The following DPP6 variants were observed in gnomAD, a reference collection of about 807,000 sequenced individuals.
The protein encoded by DPP6 is A-type potassium channel modulatory protein DPP6.
In DPP6, 69 loss-of-function variants were observed where a neutral mutation model predicts 122.6. The observed-to-expected ratio is 0.56, with a 90% confidence interval of 0.46 to 0.69. The LOEUF is 0.69. DPP6 is among the 30% of genes least tolerant of loss of function. DPP6 has a pLI of 0.00. For missense variants in DPP6, 928 were observed against 1,116.9 expected (o/e 0.83, Z 2.41); for synonymous variants, 418 against 433.1 (o/e 0.97, Z 0.43).
chr7:153,797,934 T>C, the DPP6 span, among the ~76,000 whole-genome samples: 1 of 152,100 alleles, frequency 6.6e-6, no homozygotes, highest in Non-Finnish European at 1.5e-5. Flanking sequence ...CTCCGCCTTC[T>C]GGGTTCACGC....
At chr7:154,660,575 G>A (rs1278062305) in intron 6 of DPP6, among the ~76,000 whole-genome samples, 3 of 138,288 alleles carry the variant, frequency 2.2e-5, no homozygotes, top group Non-Finnish European at 3.1e-5. Context: ...ATGGCGTATC[G>A]GCCGTAGTGT....
chr7:153,995,727 T>G (rs1172407700), intron 1 of DPP6, among the ~76,000 whole-genome samples: 1 of 151,794 alleles, frequency 6.6e-6, no homozygotes, highest in Admixed American at 6.6e-5. Flanking sequence ...TATATTGGCA[T>G]ACAGTAATTA....
chr7:154,378,879 C>A (rs1209991174), intron 1 of DPP6, among the ~76,000 whole-genome samples: 2 of 152,146 alleles, frequency 1.3e-5, no homozygotes, highest in African/African-American at 4.8e-5. Context: ...AACTGCCACA[C>A]AATTGTAAAC....
chr7:153,835,547 A>G, the DPP6 span, among the ~76,000 whole-genome samples: 2 of 152,180 alleles, frequency 1.3e-5, no homozygotes, highest in African/African-American at 2.4e-5. Context: ...TTCCATTCCC[A>G]TGGAAGCCGG....
At chr7:154,889,636 T>G in intron 25 of DPP6, 106 bp downstream of exon 25, 3 of 1,511,910 alleles carry the variant, frequency 2.0e-6, no homozygotes, top group Non-Finnish European at 2.7e-6. Flanking sequence ...GACACGCCTG[T>G]GCTGTGGTGG....
chr7:154,088,451 C>T lies in DPP6; in HGVS notation c.243+35388C>T, dbSNP rs1777543110. 2.0e-5 allele frequency among the ~76,000 whole-genome samples: 3 copies of T among 147,882 alleles called. No homozygotes were observed. The South Asian group carries it at 6.6e-4, about 32-fold the overall frequency. ...TTCCAAACACCATGACTTGCGGGAG[C>T]CCCGTTCCCTGCTCATCAGTGTCCA... On this transcript the variant is annotated intron_variant, in intron 1 of 25. Coordinates refer to ENST00000377770, the MANE Select transcript of DPP6 (RefSeq NM_130797.4).
chr7:154,678,277 C>T (rs138603823), intron 7 of DPP6, among the ~76,000 whole-genome samples: 2 of 152,230 alleles, frequency 1.3e-5, no homozygotes, highest in African/African-American at 2.4e-5. Context: ...CACGTGGAAG[C>T]TGTGTTCTTT....
intron 1 of DPP6, among the ~76,000 whole-genome samples, chr7:153,956,671 C>G (rs78387211): frequency 6.6e-6 from 1 of 152,074 alleles, no homozygotes; most frequent in African/African-American, 2.4e-5. Flanking sequence ...CAGTCTTTTG[C>G]GAGTCTTTCT....
rs980570159 is a variant in DPP6 at position 154,446,124 on chromosome 7, G to T, written c.244-90G>T. 2.4e-5 allele frequency: 19 copies of T among 784,184 alleles called. No homozygotes were observed. The African/African-American group carries it at 3.0e-4, about 12-fold the overall frequency. The allele number at this position is 784,184 out of a possible 1,614,324, so 48.6% of individuals were successfully genotyped here. A position where few individuals can be genotyped will look rare whatever the true frequency, so the allele number is the denominator to read the frequency against. ...TGCCTCTTTCACTGTTTTGTATCTT[G>T]GTTCTTGATTTAAATGAAATATGTC... On this transcript the variant is annotated intron_variant, in intron 1 of 25. Coordinates refer to ENST00000377770, the MANE Select transcript of DPP6 (RefSeq NM_130797.4).
At chr7:153,826,119 G>A in the DPP6 span, among the ~76,000 whole-genome samples, 2 of 152,222 alleles carry the variant, frequency 1.3e-5, no homozygotes, top group African/African-American at 4.8e-5. Context: ...CCATCGGAAA[G>A]TGCTTTTAAT....
chr7:154,004,322 T>C (rs1797816332), intron 1 of DPP6, among the ~76,000 whole-genome samples: 1 of 152,164 alleles, frequency 6.6e-6, no homozygotes, highest in African/African-American at 2.4e-5. Context: ...GCCATAGGGG[T>C]GAGGAGGGTG....
chr7:153,840,842 C>T, the DPP6 span, among the ~76,000 whole-genome samples: 498 of 152,286 alleles, frequency 3.3e-3, 3 homozygotes, highest in African/African-American at 0.012. Flanking sequence ...CAATAATAGA[C>T]GTTTCCTTCC....
At position 154,681,181 on chromosome 7, in the gene DPP6, G is replaced by A. The variant is rs77042632; in HGVS notation, c.762+11740G>A. Among the ~76,000 whole-genome samples the A allele has an allele frequency of 4.3e-3, 656 of 152,204 alleles. 6 individuals carry two copies. Among genetic ancestry groups the A allele is most frequent in the African/African-American group, 0.015 (631 of 41,536 alleles). On this transcript the variant is annotated intron_variant, in intron 7 of 25. Transcript: ENST00000377770. ...AAAAGGTGGATGCAGGGTTAAAACC[G>A]GGCCTGACCTGCTTGCCCACGTTGG...
At chr7:153,947,699 G>A (rs949445982) in intron 1 of DPP6, among the ~76,000 whole-genome samples, 1 of 152,126 alleles carries the variant, frequency 6.6e-6, no homozygotes, top group Non-Finnish European at 1.5e-5. Flanking sequence ...ACAGGACAAA[G>A]GGAGTGAGCT....
chr7:153,903,712 T>G (rs912011596), intron 1 of DPP6, among the ~76,000 whole-genome samples: 8 of 152,226 alleles, frequency 5.3e-5, no homozygotes, highest in African/African-American at 7.2e-5. Context: ...TCTCTACTTG[T>G]GACTTTGCTT....
intron 1 of DPP6, among the ~76,000 whole-genome samples, chr7:153,999,337 C>A (rs1451606640): frequency 6.6e-6 from 1 of 152,234 alleles, no homozygotes; most frequent in Non-Finnish European, 1.5e-5. Context: ...ACTTACCCTG[C>A]AAGCAGTATG....
chr7:154,850,022 T>A (rs1802248131), intron 16 of DPP6, among the ~76,000 whole-genome samples: 1 of 152,240 alleles, frequency 6.6e-6, no homozygotes, highest in South Asian at 2.1e-4. Flanking sequence ...TTGTTTATGA[T>A]GAATGATCCT....
chr7:154,308,780 T>C (rs2150993125), intron 1 of DPP6, among the ~76,000 whole-genome samples: 1 of 152,312 alleles, frequency 6.6e-6, no homozygotes, highest in South Asian at 2.1e-4. Flanking sequence ...ACATACTGTC[T>C]CCATTTCAAA....
intron 1 of DPP6, among the ~76,000 whole-genome samples, chr7:154,323,450 G>A (rs1808150711): frequency 6.6e-6 from 1 of 152,170 alleles, no homozygotes. Context: ...TTTATTTGGG[G>A]CAAGCTCCGA....
Sources: allele counts gnomAD v4.1 joint callset (sites outside exome capture counted in the v4.1 genomes callset), GRCh38; gene constraint gnomAD v4.1.1; transcripts MANE v1.5; gene names NCBI Gene and HGNC (gene_info 2026-07-23, HGNC 2026-07-21).